The following CCDC171 variants were observed in gnomAD, a reference collection of about 807,000 sequenced individuals.
CCDC171 encodes the protein coiled-coil domain containing 171, also known as coiled-coil domain-containing protein 171.
A neutral mutation model predicts 168.2 loss-of-function variants in CCDC171; 177 were observed. That is an observed-to-expected ratio of 1.05 (90% CI 0.93 to 1.19). The LOEUF is 1.19. Ranked by LOEUF, CCDC171 falls within the 50% of genes most tolerant of loss-of-function variation. CCDC171 has a pLI of 0.00. For synonymous variants in CCDC171, 687 were observed against 540.8 expected (o/e 1.27, Z -3.75); for missense variants, 1,991 against 1,539.0 (o/e 1.29, Z -4.91).
intron 16 of CCDC171, among the ~76,000 whole-genome samples, chr9:15,740,931 G>A (rs1464713205): frequency 2.6e-5 from 4 of 152,114 alleles, no homozygotes; most frequent in Non-Finnish European, 5.9e-5. Context: ...GGCTGTTGAA[G>A]TTTGAAGTAT....
intron 1 of CCDC171, among the ~76,000 whole-genome samples, chr9:16,044,587 G>A (rs1833627199): frequency 6.7e-6 from 1 of 149,500 alleles, no homozygotes. Flanking sequence ...CTCTGCAAGT[G>A]ATACATCCTG....
chr9:16,077,958 A>C, the CCDC171 span, among the ~76,000 whole-genome samples: 1 of 152,090 alleles, frequency 6.6e-6, no homozygotes, highest in Non-Finnish European at 1.5e-5. Context: ...GATGAATAAA[A>C]CCTAATATAC....
intron 22 of CCDC171, among the ~76,000 whole-genome samples, chr9:15,848,505 T>A (rs1288763545): frequency 6.6e-6 from 1 of 151,916 alleles, no homozygotes; most frequent in East Asian, 1.9e-4. Flanking sequence ...TAAGATTTTT[T>A]AAGTCTTTTT....
chr9:15,769,782 T>A (rs1360625088), intron 18 of CCDC171, among the ~76,000 whole-genome samples: 2 of 152,240 alleles, frequency 1.3e-5, no homozygotes, highest in African/African-American at 4.8e-5. Context: ...CTGTGTACTC[T>A]TTGTTTATGT....
At chr9:16,075,640 A>C in the CCDC171 span, among the ~76,000 whole-genome samples, 1 of 152,168 alleles carries the variant, frequency 6.6e-6, no homozygotes, top group Non-Finnish European at 1.5e-5. Context: ...ATGGTGCTTC[A>C]GGTCTCACAC....
At chr9:15,892,011 CAA>C (rs1820279826) in intron 24 of CCDC171, among the ~76,000 whole-genome samples, 1 of 152,108 alleles carries the variant, frequency 6.6e-6, no homozygotes, top group Admixed American at 6.6e-5. Context: ...TTCTTACTAA[CAA>C]GAGGCATTTG....
At chr9:15,779,190 A>G (rs1344777536) in intron 20 of CCDC171, 40 bp downstream of exon 20, 1 of 1,215,498 alleles carries the variant, frequency 8.2e-7, no homozygotes, top group African/African-American at 1.6e-5. Flanking sequence ...CTTTGCTGAT[A>G]TATATTTCTT....
At chr9:15,962,435 G>A (rs563292097) in intron 25 of CCDC171, among the ~76,000 whole-genome samples, 4 of 152,242 alleles carry the variant, frequency 2.6e-5, no homozygotes, top group African/African-American at 9.6e-5. Context: ...ATGGCATTAA[G>A]CATTTAAGAC....
At chr9:15,882,398 C>T (rs1818766482) in intron 24 of CCDC171, among the ~76,000 whole-genome samples, 1 of 152,178 alleles carries the variant, frequency 6.6e-6, no homozygotes, top group Non-Finnish European at 1.5e-5. Flanking sequence ...GTTGTCTCTT[C>T]ACTTTGTTGA....
chr9:15,764,099 A>G (rs2056595977), intron 18 of CCDC171, among the ~76,000 whole-genome samples: 1 of 152,196 alleles, frequency 6.6e-6, no homozygotes, highest in South Asian at 2.1e-4. Flanking sequence ...AGGAATGGCA[A>G]GGAGGCCCAA....
At chr9:15,815,311 T>TACAGTAACCAAAACACCATGGTAG (rs1563794788) in intron 21 of CCDC171, among the ~76,000 whole-genome samples, 3 of 125,222 alleles carry the variant, frequency 2.4e-5, no homozygotes, top group Admixed American at 7.6e-5. Flanking sequence ...AACTCTGTGC[T>TACAGTAACCAAAACACCATGGTAG]TTATTGTTCT....
intron 12 of CCDC171, among the ~76,000 whole-genome samples, chr9:15,723,247 G>A (rs976857377): frequency 2.0e-5 from 3 of 152,200 alleles, no homozygotes; most frequent in African/African-American, 7.2e-5. Flanking sequence ...GTCATATGGA[G>A]TGAGAGACCA....
At chr9:15,709,606 A>T (rs556793851) in intron 11 of CCDC171, among the ~76,000 whole-genome samples, 1 of 152,194 alleles carries the variant, frequency 6.6e-6, no homozygotes, top group Non-Finnish European at 1.5e-5. Context: ...GCCAGATGAG[A>T]TCACTGCTTT....
chr9:15,846,653 A>G (rs759474622), intron 21 of CCDC171, 49 bp from the exon 22 acceptor site: 2 of 1,586,000 alleles, frequency 1.3e-6, no homozygotes, highest in Non-Finnish European at 1.7e-6. Flanking sequence ...CATAAATTGA[A>G]GTTAATTATC....
At chr9:15,733,265 G>A (rs2054266067) in intron 16 of CCDC171, among the ~76,000 whole-genome samples, 1 of 152,030 alleles carries the variant, frequency 6.6e-6, no homozygotes, top group African/African-American at 2.4e-5. Context: ...TCTCTTAGCA[G>A]TACTTTTGCA....
At chr9:15,590,793 C>CTTTCTT (rs2041939113) in intron 4 of CCDC171, among the ~76,000 whole-genome samples, 3 of 142,724 alleles carry the variant, frequency 2.1e-5, no homozygotes, top group Non-Finnish European at 4.6e-5. Context: ...TTCTTTCTTT[C>CTTTCTT]TTTCTTTCTT....
rs144740467 is a variant in CCDC171, at chr9:15,558,349, A to T, written c.-112+5047A>T. Among the ~76,000 whole-genome samples the T allele has an allele frequency of 6.3e-3, 963 of 152,196 alleles. 8 individuals are homozygous for T. Among genetic ancestry groups the T allele is most frequent in the African/African-American group, 0.023 (937 of 41,544 alleles). Reference sequence around the variant, plus strand: ...CTTTGTACCTCTGGTAGAATTTGGCAGTGAATCCGTCTGGTCCTGGATATT... The same window carrying T: ...CTTTGTACCTCTGGTAGAATTTGGCTGTGAATCCGTCTGGTCCTGGATATT... On this transcript the variant is annotated intron_variant, in intron 1 of 25. Transcript: ENST00000380701.
intron 6 of CCDC171, among the ~76,000 whole-genome samples, chr9:16,028,854 C>T (rs778065554): frequency 1.6e-4 from 24 of 152,286 alleles, no homozygotes; most frequent in Middle Eastern, 3.4e-3. Flanking sequence ...GGGACTTCCC[C>T]TAGTATTGCA....
chr9:15,654,055 C>T (rs2047734195), intron 7 of CCDC171, among the ~76,000 whole-genome samples: 1 of 152,132 alleles, frequency 6.6e-6, no homozygotes, highest in Non-Finnish European at 1.5e-5. Context: ...TTACTAGTTT[C>T]ACCTTTCAGC....
Sources: allele counts gnomAD v4.1 joint callset (sites outside exome capture counted in the v4.1 genomes callset), GRCh38; gene constraint gnomAD v4.1.1; transcripts MANE v1.5; gene names NCBI Gene and HGNC (gene_info 2026-07-23, HGNC 2026-07-21).